PRSS16: variants seen among roughly 807,000 people sequenced by gnomAD.
PRSS16 encodes the protein thymus-specific serine protease.
In PRSS16, 43 loss-of-function variants were observed where a neutral mutation model predicts 61.7. The ratio of observed to expected loss-of-function variants is 0.70; its 90% CI spans 0.55 to 0.90. The LOEUF (loss-of-function observed/expected upper bound fraction) is 0.90, where lower values mean the gene tolerates loss of function less well. Among genes scored for constraint, PRSS16 ranks in the 40% least tolerant of loss-of-function variants. The pLI, the probability that PRSS16 is intolerant of heterozygous loss-of-function variation, is 0.00. For missense variants in PRSS16, 591 were observed against 659.1 expected (o/e 0.90, Z 1.13); for synonymous variants, 273 against 285.2 (o/e 0.96, Z 0.43).
rs1279568680 is a variant in PRSS16 at position 27,248,927 on chromosome 6, G to A, written c.318G>A (p.Gly106=). 2.5e-6 allele frequency: 4 copies of A among 1,611,432 alleles called. No individual in the cohort carries two copies. The highest frequency in any genetic ancestry group is 3.4e-6 in the Non-Finnish European group (4 of 1,178,688). ...FLHLGGEGSL[G]PGSVMRGHPA... The stretch of plus-strand genomic sequence containing the variant: ...ATCTAGGGGGTGAGGGCAGCCTTGG[G>A]CCTGGCTCAGTGATGAGAGGTAAGA... Residue 106 remains glycine, a synonymous_variant, in exon 3 of 12, where the codon GGG becomes GGA. Transcript: ENST00000230582.
chr6:27,256,332 A>T lies in PRSS16; in HGVS notation c.*1017A>T, dbSNP rs910399777. On this transcript the variant is annotated 3_prime_UTR_variant, in exon 12 of 12. Transcript: ENST00000230582. ...ATTCCTTCTTCCAGGGCCTGGGAGG[A>T]TAGGGCTAATCCCAAGGGTGCCTGC... 4 of 152,608 alleles carry T rather than the reference A, an allele frequency of 2.6e-5. No individual in the cohort carries two copies. Among genetic ancestry groups the T allele is most frequent in the Non-Finnish European group, 4.4e-5 (3 of 68,068 alleles). The allele number at this position is 152,608 out of a possible 1,614,324, so 9.5% of individuals were successfully genotyped here. A position where few individuals can be genotyped will look rare whatever the true frequency, so the allele number is the denominator to read the frequency against.
chr6:27,247,716 G>A lies in PRSS16; in HGVS notation c.-22G>A, dbSNP rs1295224835. ...AGGATAAGATAAAGGTCCTCCTGGGGGAGAACAGAGTCCCGAACACCATGG... is the reference window on the plus strand; with the variant it reads ...AGGATAAGATAAAGGTCCTCCTGGGAGAGAACAGAGTCCCGAACACCATGG... On this transcript the variant is annotated 5_prime_UTR_variant, in exon 1 of 12. Transcript: ENST00000230582. 2 of 1,555,414 alleles carry A rather than the reference G, an allele frequency of 1.3e-6. No individual in the cohort carries two copies. Among genetic ancestry groups the A allele is most frequent in the Non-Finnish European group, 8.7e-7 (1 of 1,149,162 alleles).
chr6:27,255,516 A>G lies in PRSS16; in HGVS notation c.*201A>G. 1 of 559,738 alleles carries G rather than the reference A, an allele frequency of 1.8e-6. No individual in the cohort carries two copies. Among genetic ancestry groups the G allele is most frequent in the Admixed American group, 3.2e-5 (1 of 30,944 alleles). 34.7% of individuals were successfully genotyped at this position (559,738 alleles called of 1,614,324 possible). A position where few individuals can be genotyped will look rare whatever the true frequency, so the allele number is the denominator to read the frequency against. ...CTTTATTGCAGAGAGTTATGGAAAT[A>G]TAAGTGGATGATTATTCTCATTGTA... On this transcript the variant is annotated 3_prime_UTR_variant, in exon 12 of 12. Transcript: ENST00000230582. This position sits in a 1 kb window ranked among gnomAD's most constrained non-coding sequence, Gnocchi z 4.4.
At position 27,251,850 on chromosome 6, in the gene PRSS16, G is replaced by A; in HGVS notation, c.818G>A (p.Gly273Glu). ...AALRTELSACGPLGRAENQAE... is the reference protein window; with the variant it reads ...AALRTELSACEPLGRAENQAE... ...TTGCGGACGGAGCTGAGCGCTTGCG[G>A]GCCCCTGGGCCGCGCTGAAAACCAG... The change falls in exon 8 of 12, where the codon GGG (glycine) becomes GAG (glutamate). Residue 273 changes from glycine (G) to glutamate (E), a missense_variant. Gly to Glu is a moderately conservative substitution (Grantham distance 98). Coordinates refer to ENST00000230582, the MANE Select transcript of PRSS16 (RefSeq NM_005865.4). The surrounding 1 kb of genome is among the most constrained non-coding windows in gnomAD (Gnocchi z 5.6). The A allele has an allele frequency of 1.2e-6, 2 of 1,612,966 alleles. No homozygotes were observed. The highest frequency in any genetic ancestry group is 4.5e-5 in the East Asian group (2 of 44,856).
At chr6:27,250,936 G>A in intron 5 of PRSS16, 106 bp from the exon 6 acceptor site, 2 of 1,571,448 alleles carry the variant, frequency 1.3e-6, no homozygotes, top group Non-Finnish European at 1.7e-6. Context: ...TGCACAAGCT[G>A]TCCTCACAAG....
In PRSS16 at chr6:27,255,241, C is replaced by G; in HGVS notation, c.1477-6C>G. The G allele has an allele frequency of 6.2e-7, 1 of 1,614,022 alleles. No individual in the cohort carries two copies. The highest frequency in any genetic ancestry group is 8.5e-7 in the Non-Finnish European group (1 of 1,179,934). On this transcript the variant is annotated splice_region_variant and splice_polypyrimidine_tract_variant and intron_variant, in intron 11 of 11. Transcript: ENST00000230582. This position sits in a 1 kb window ranked among gnomAD's most constrained non-coding sequence, Gnocchi z 4.4. Reference sequence around the variant, plus strand: ...TGACTTTCAAATTCTTCCCACCTCCCCACAGAACATCTTCCAGCAGCTACA... The same window carrying G: ...TGACTTTCAAATTCTTCCCACCTCCGCACAGAACATCTTCCAGCAGCTACA...
intron 4 of PRSS16, among the ~76,000 whole-genome samples, chr6:27,250,120 T>C (rs1220942849): frequency 1.3e-5 from 2 of 152,196 alleles, no homozygotes; most frequent in Admixed American, 6.5e-5. Context: ...TCCATCTCTG[T>C]CTCTCTGCAT....
intron 4 of PRSS16, among the ~76,000 whole-genome samples, chr6:27,249,640 T>A (rs1759830686): frequency 6.6e-6 from 1 of 152,212 alleles, no homozygotes; most frequent in South Asian, 2.1e-4. Context: ...CCCTCAGACA[T>A]CTTCTGTATT....
In PRSS16 at chr6:27,249,243, G is replaced by C. The variant is rs755195658; in HGVS notation, c.467+14G>C. 6.2e-7 allele frequency: 1 copy of C among 1,611,718 alleles called. No individual in the cohort carries two copies. Among genetic ancestry groups the C allele is most frequent in the East Asian group, 2.2e-5 (1 of 44,870 alleles). ...CAGCCGCCTTGCGTGAGTGGAGGAA[G>C]GGAAAGTGTTTATGGTCAAAGGACA... On this transcript the variant is annotated intron_variant, in intron 4 of 11. Transcript: ENST00000230582.
chr6:27,252,278 T>G lies in PRSS16; in HGVS notation c.1008+238T>G, dbSNP rs967162554. 2.5e-5 allele frequency: 14 copies of G among 559,508 alleles called. No homozygotes were observed. Among genetic ancestry groups the G allele is most frequent in the African/African-American group, 2.0e-4 (10 of 51,246 alleles). 34.7% of individuals were successfully genotyped at this position (559,508 alleles called of 1,614,324 possible). ...GTTAGAGACTGCGATTATTACCTAT[T>G]TTGCCTATCCTGTCCTGTTCTCTTT... On this transcript the variant is annotated intron_variant, in intron 8 of 11. Coordinates refer to ENST00000230582, the MANE Select transcript of PRSS16 (RefSeq NM_005865.4). This position sits in a 1 kb window ranked among gnomAD's most constrained non-coding sequence, Gnocchi z 4.2.
At position 27,251,228 on chromosome 6, in the gene PRSS16, A is replaced by G. The variant is rs574685427; in HGVS notation, c.681A>G (p.Arg227=). The G allele has an allele frequency of 6.2e-7, 1 of 1,612,040 alleles. No homozygotes were observed. Among genetic ancestry groups the G allele is most frequent in the African/African-American group, 1.3e-5 (1 of 75,016 alleles). The part of the protein sequence containing the change: ...DFSEYNDVVS[R]SLMSTAIGGS... ...CGGTCCGCCCACAGGTGGTATCCCG[A>G]AGCCTAATGAGCACCGCGATCGGCG... The change falls in exon 7 of 12, where the codon CGA becomes CGG. Residue 227 remains arginine (R), a synonymous_variant. Coordinates refer to ENST00000230582, the MANE Select transcript of PRSS16 (RefSeq NM_005865.4). This position sits in a 1 kb window ranked among gnomAD's most constrained non-coding sequence, Gnocchi z 5.6.
In PRSS16 at chr6:27,252,027, G is replaced by T; in HGVS notation, c.995G>T (p.Arg332Leu). Reference protein sequence around the residue: ...RSHSTPYCGLRRAVQIVLHSL... With the variant: ...RSHSTPYCGLLRAVQIVLHSL... Reference sequence around the variant, plus strand: ...CACTCCACGCCCTACTGCGGGCTTCGTCGGGCGGTGCAGGTGAGCACTCCC... The same window carrying T: ...CACTCCACGCCCTACTGCGGGCTTCTTCGGGCGGTGCAGGTGAGCACTCCC... Residue 332 changes from arginine (R) to leucine (L), a missense_variant, in exon 8 of 12, where the codon CGT becomes CTT. Arg to Leu is a moderately radical substitution (Grantham distance 102, BLOSUM62 -2). Transcript: ENST00000230582. The surrounding 1 kb of genome is among the most constrained non-coding windows in gnomAD (Gnocchi z 4.2). The T allele has an allele frequency of 6.5e-7, 1 of 1,539,234 alleles. No homozygotes were observed. The highest frequency in any genetic ancestry group is 8.7e-7 in the Non-Finnish European group (1 of 1,146,680).
At chr6:27,248,686 G>C (rs1357625628) in intron 2 of PRSS16, among the ~76,000 whole-genome samples, 161 bp from the exon 3 acceptor site, 1 of 151,920 alleles carries the variant, frequency 6.6e-6, no homozygotes, top group Non-Finnish European at 1.5e-5. Context: ...ATGAGGAGAT[G>C]AACAGGGGAA....
At position 27,251,854 on chromosome 6, in the gene PRSS16, C is replaced by G. The variant is rs1561774069; in HGVS notation, c.822C>G (p.Pro274=). 4 of 1,613,146 alleles carry G rather than the reference C, an allele frequency of 2.5e-6. No individual in the cohort carries two copies. The highest frequency in any genetic ancestry group is 3.4e-6 in the Non-Finnish European group (4 of 1,179,766). The change falls in exon 8 of 12, where the codon CCC becomes CCG. Residue 274 remains proline, a synonymous_variant. Coordinates refer to ENST00000230582, the MANE Select transcript of PRSS16 (RefSeq NM_005865.4). The surrounding 1 kb of genome is among the most constrained non-coding windows in gnomAD (Gnocchi z 5.6). ...GGACGGAGCTGAGCGCTTGCGGGCC[C>G]CTGGGCCGCGCTGAAAACCAGGCGG... The part of the protein sequence containing the change: ...ALRTELSACG[P]LGRAENQAEL...
At position 27,251,602 on chromosome 6, in the gene PRSS16, G is replaced by A. The variant is rs527902578; in HGVS notation, c.718-148G>A. The stretch of plus-strand genomic sequence containing the variant: ...GCAGGGGATTGGGGGCGGGGGCCTG[G>A]GGGCGGGGGCCTGGGCCAAGAGCTA... On this transcript the variant is annotated intron_variant, in intron 7 of 11. Transcript: ENST00000230582. The surrounding 1 kb of genome is among the most constrained non-coding windows in gnomAD (Gnocchi z 5.6). 9.6e-7 allele frequency: 1 copy of A among 1,044,956 alleles called. No homozygotes were observed. Among genetic ancestry groups the A allele is most frequent in the African/African-American group, 1.6e-5 (1 of 61,302 alleles). The allele number at this position is 1,044,956 out of a possible 1,614,324, so 64.7% of individuals were successfully genotyped here.
Position 27,249,081 on chromosome 6 carries a change from AC to A in PRSS16, c.338-16del. On this transcript the variant is annotated intron_variant, in intron 3 of 11. Coordinates refer to ENST00000230582, the MANE Select transcript of PRSS16 (RefSeq NM_005865.4). The stretch of plus-strand genomic sequence containing the variant: ...CTTGCATCTCACCTCCCCACCCCCC[AC>A]CCATACACTCTTCACAGGCCATCCC... 2.0e-6 allele frequency: 1 copy of A among 489,266 alleles called. No homozygotes were observed. The highest frequency in any genetic ancestry group is 3.5e-6 in the Non-Finnish European group (1 of 286,900). The allele number at this position is 489,266 out of a possible 1,614,324, so 30.3% of individuals were successfully genotyped here.
At position 27,251,090 on chromosome 6, in the gene PRSS16, G is replaced by A. The variant is rs1454314786; in HGVS notation, c.640G>A (p.Ala214Thr). 7 of 1,613,998 alleles carry A rather than the reference G, an allele frequency of 4.3e-6. No individual in the cohort carries two copies. Among genetic ancestry groups the A allele is most frequent in the Non-Finnish European group, 5.9e-6 (7 of 1,180,056 alleles). Reference protein sequence around the residue: ...ASVASSAPVRAVLDFSEYNDV... With the variant: ...ASVASSAPVRTVLDFSEYNDV... Reference sequence around the variant, plus strand: ...GGTCGCCTCCTCCGCCCCGGTGCGGGCCGTGCTGGATTTCTCCGAGTATAA... The same window carrying A: ...GGTCGCCTCCTCCGCCCCGGTGCGGACCGTGCTGGATTTCTCCGAGTATAA... The change falls in exon 6 of 12, where the codon GCC becomes ACC. Residue 214 changes from alanine to threonine, a missense_variant. Ala to Thr is a moderately conservative substitution (Grantham distance 58). Transcript: ENST00000230582. The surrounding 1 kb of genome is among the most constrained non-coding windows in gnomAD (Gnocchi z 5.6).
chr6:27,254,683 C>G lies in PRSS16; in HGVS notation c.1151-10C>G. The stretch of plus-strand genomic sequence containing the variant: ...TGTATACCCACACTTACAGGTATCT[C>G]CCTACACAGATGTCACCTGTGAGAA... On this transcript the variant is annotated splice_polypyrimidine_tract_variant and intron_variant, in intron 9 of 11. Coordinates refer to ENST00000230582, the MANE Select transcript of PRSS16 (RefSeq NM_005865.4). 1.2e-6 allele frequency: 2 copies of G among 1,605,138 alleles called. No individual in the cohort carries two copies. The highest frequency in any genetic ancestry group is 1.7e-6 in the Non-Finnish European group (2 of 1,172,072).
At position 27,256,534 on chromosome 6, in the gene PRSS16, C is replaced by G. The variant is rs1323381311; in HGVS notation, c.*1219C>G. The G allele has an allele frequency of 6.6e-6, 1 of 152,444 alleles. No individual in the cohort carries two copies. Among genetic ancestry groups the G allele is most frequent in the Non-Finnish European group, 1.5e-5 (1 of 68,044 alleles). 9.4% of individuals were successfully genotyped at this position (152,444 alleles called of 1,614,324 possible). A position where few individuals can be genotyped will look rare whatever the true frequency, so the allele number is the denominator to read the frequency against. ...TTTCCTTGTGGGTAAGAGGCAACCTCCTCATGCTGTCATACCAAAGTCAAT... is the reference window on the plus strand; with the variant it reads ...TTTCCTTGTGGGTAAGAGGCAACCTGCTCATGCTGTCATACCAAAGTCAAT... On this transcript the variant is annotated 3_prime_UTR_variant, in exon 12 of 12. Coordinates refer to ENST00000230582, the MANE Select transcript of PRSS16 (RefSeq NM_005865.4).
Sources: allele counts gnomAD v4.1 joint callset (sites outside exome capture counted in the v4.1 genomes callset), GRCh38; gene constraint gnomAD v4.1.1; non-coding constraint Gnocchi (gnomAD v3.1); transcripts MANE v1.5; gene names NCBI Gene and HGNC (gene_info 2026-07-23, HGNC 2026-07-21).